APP: variants seen among roughly 807,000 people sequenced by gnomAD.
APP encodes amyloid-beta precursor protein.
APP carries 31 observed loss-of-function variants against 101.4 expected under a neutral mutation model. The observed-to-expected ratio is 0.31, with a 90% CI of 0.23 to 0.41. The LOEUF is 0.41. APP is among the 10% of genes least tolerant of loss of function. The pLI, the probability that APP is intolerant of heterozygous loss-of-function variation, is 1.00. For missense variants in APP, 839 were observed against 1,003.7 expected (o/e 0.84, Z 2.22); for synonymous variants, 366 against 364.4 (o/e 1.00, Z -0.05).
rs139219825 is a variant in APP at position 25,962,640 on chromosome 21, G to A, written c.1459-6885C>T. Among the ~76,000 whole-genome samples, 1,021 of 152,180 alleles carry A rather than the reference G, an allele frequency of 6.7e-3. 13 individuals carry two copies. The highest frequency in any genetic ancestry group is 0.024 in the African/African-American group (988 of 41,508). On this transcript the variant is annotated intron_variant, in intron 11 of 17. Transcript: ENST00000346798. Reference sequence around the variant, plus strand: ...GTACTTTAGAAAGTAGTTTTAACTGGGAACTCTTCCCAGAAAATATTTAAT... The same window carrying A: ...GTACTTTAGAAAGTAGTTTTAACTGAGAACTCTTCCCAGAAAATATTTAAT...
intron 1 of APP, among the ~76,000 whole-genome samples, chr21:26,150,119 A>G (rs1481069705): frequency 3.3e-5 from 5 of 152,204 alleles, no homozygotes; most frequent in African/African-American, 1.2e-4. Context: ...GGAGCTCCAC[A>G]GAAAAGCAAA....
intron 1 of APP, among the ~76,000 whole-genome samples, chr21:26,125,118 G>A (rs1569004258): frequency 6.6e-6 from 1 of 152,202 alleles, no homozygotes; most frequent in South Asian, 2.1e-4. Flanking sequence ...GTATGGGTCG[G>A]ACAGGAAGCA....
At chr21:25,991,781 T>C (rs549913396) in intron 8 of APP, among the ~76,000 whole-genome samples, 1 of 152,370 alleles carries the variant, frequency 6.6e-6, no homozygotes, top group East Asian at 1.9e-4. Flanking sequence ...AGTTAAGTAG[T>C]TATGACAAAC....
intron 3 of APP, among the ~76,000 whole-genome samples, chr21:26,060,278 T>C (rs528600083): frequency 1.3e-5 from 2 of 152,294 alleles, no homozygotes; most frequent in South Asian, 4.2e-4. Context: ...ATGTGAGTAC[T>C]GCTTATGATG....
intron 16 of APP, 35 bp downstream of exon 16, chr21:25,897,538 A>C (rs967502922): frequency 6.7e-6 from 10 of 1,499,144 alleles, no homozygotes; most frequent in Non-Finnish European, 9.3e-6. Flanking sequence ...TGGCAAGACA[A>C]ACAGTAGTGG....
At chr21:25,924,534 T>C (rs1372567196) in intron 13 of APP, among the ~76,000 whole-genome samples, 4 of 150,968 alleles carry the variant, frequency 2.6e-5, no homozygotes, top group Non-Finnish European at 5.9e-5. Flanking sequence ...AACACTCATG[T>C]TCTCACTCAT....
At position 26,022,851 on chromosome 21, in the gene APP, G is replaced by A. The variant is rs4816273; in HGVS notation, c.663-809C>T. Among the ~76,000 whole-genome samples, 525 of 67,698 alleles carry A rather than the reference G, an allele frequency of 7.8e-3. 15 individuals carry two copies. Among genetic ancestry groups the A allele is most frequent in the African/African-American group, 0.017 (161 of 9,208 alleles). The allele number at this position is 67,698 out of a possible 152,430, so 44.4% of individuals were successfully genotyped here. A position where few individuals can be genotyped will look rare whatever the true frequency, so the allele number is the denominator to read the frequency against. The stretch of plus-strand genomic sequence containing the variant: ...ACTGGACACACAGGTGGAAGATGAA[G>A]CTGACTTAAGTAAACCTGCAATGCC... On this transcript the variant is annotated intron_variant, in intron 5 of 17. Transcript: ENST00000346798.
chr21:26,005,818 G>C (rs2043507109), intron 6 of APP, among the ~76,000 whole-genome samples: 1 of 152,106 alleles, frequency 6.6e-6, no homozygotes, highest in Non-Finnish European at 1.5e-5. Flanking sequence ...TTATCACTCA[G>C]TGGAAATTTA....
Position 26,140,308 on chromosome 21 carries a change from G to A in APP, c.58-28162C>T. The A allele has an allele frequency of 7.2e-6, 11 of 1,532,252 alleles. 1 individual carries two copies. In the South Asian group the frequency reaches 9.6e-5, roughly 13 times the overall value. The allele number at this position is 1,532,252 out of a possible 1,614,324, so 94.9% of individuals were successfully genotyped here. On this transcript the variant is annotated intron_variant, in intron 1 of 17. Transcript: ENST00000346798. ...AGTGACCACAACTTGACCCAGGCCA[G>A]AGCTTCCATCCTCGGGAGGGTGAGT...
intron 14 of APP, among the ~76,000 whole-genome samples, chr21:25,906,584 G>A (rs1333407187): frequency 2.0e-5 from 3 of 152,220 alleles, no homozygotes; most frequent in South Asian, 2.1e-4. Flanking sequence ...TATTTCACTA[G>A]TGCATTAGAG....
chr21:25,982,829 G>A (rs2042487264), intron 8 of APP, among the ~76,000 whole-genome samples: 1 of 152,152 alleles, frequency 6.6e-6, no homozygotes, highest in South Asian at 2.1e-4. Flanking sequence ...TTACTATTTT[G>A]CAATTTTGAA....
intron 5 of APP, among the ~76,000 whole-genome samples, chr21:26,049,949 AG>A (rs748267906): frequency 9.9e-5 from 15 of 152,210 alleles, no homozygotes; most frequent in Non-Finnish European, 1.9e-4. Context: ...GAAGGTAACT[AG>A]GAAGGAGCTG....
chr21:26,150,928 A>G (rs1467619704), intron 1 of APP, among the ~76,000 whole-genome samples: 2 of 152,194 alleles, frequency 1.3e-5, no homozygotes, highest in Non-Finnish European at 2.9e-5. Context: ...ACAATAAACA[A>G]CACTGTCTTT....
At chr21:25,964,581 A>G (rs2041712363) in intron 11 of APP, among the ~76,000 whole-genome samples, 1 of 150,248 alleles carries the variant, frequency 6.7e-6, no homozygotes, top group Admixed American at 6.6e-5. Flanking sequence ...TAATTCTCTC[A>G]TCACTTAGTG....
At chr21:26,163,227 A>G in intron 1 of APP, among the ~76,000 whole-genome samples, 1 of 138,794 alleles carries the variant, frequency 7.2e-6, no homozygotes. Context: ...GTGACACAGT[A>G]AAACTCAGTC....
intron 3 of APP, among the ~76,000 whole-genome samples, chr21:26,060,235 T>C (rs900717322): frequency 6.6e-6 from 1 of 152,226 alleles, no homozygotes; most frequent in African/African-American, 2.4e-5. Flanking sequence ...CACCTACTTG[T>C]AGCCCCACAG....
chr21:25,921,464 A>C (rs201876518), intron 13 of APP, among the ~76,000 whole-genome samples: 2 of 147,058 alleles, frequency 1.4e-5, no homozygotes, highest in Non-Finnish European at 3.0e-5. Flanking sequence ...AAGGATCAAC[A>C]AAATTGATAG....
chr21:26,092,401 A>G (rs2061843761), intron 2 of APP, among the ~76,000 whole-genome samples: 1 of 152,184 alleles, frequency 6.6e-6, no homozygotes, highest in South Asian at 2.1e-4. Flanking sequence ...TTGCTAAGTG[A>G]AAGAAGCCCA....
intron 6 of APP, among the ~76,000 whole-genome samples, chr21:26,004,277 T>C (rs2043420564): frequency 5.4e-5 from 2 of 37,196 alleles, no homozygotes; most frequent in African/African-American, 1.6e-4. Flanking sequence ...TATTAATTCT[T>C]TTTTTTTTTT....
Sources: allele counts gnomAD v4.1 joint callset (sites outside exome capture counted in the v4.1 genomes callset), GRCh38; gene constraint gnomAD v4.1.1; transcripts MANE v1.5; gene names NCBI Gene and HGNC (gene_info 2026-07-23, HGNC 2026-07-21).